Variants in ITGAV observed in about 807,000 individuals in gnomAD.
ITGAV encodes the protein integrin alpha-V.
ITGAV carries 76 observed loss-of-function variants against 143.8 expected under a neutral mutation model. That is an observed-to-expected ratio of 0.53 (90% confidence interval 0.44 to 0.64). ITGAV has a LOEUF of 0.64. ITGAV is among the 30% of genes least tolerant of loss of function. The pLI is 0.00. For missense variants in ITGAV, 1,193 were observed against 1,274.7 expected, an observed-to-expected ratio of 0.94 and a Z score of 0.98; for synonymous variants, 453 against 446.7, an observed-to-expected ratio of 1.01 and a Z score of -0.18.
chr2:186,602,241 A>G (rs1167816121), intron 2 of ITGAV, 90 bp downstream of exon 2: 23 of 1,002,702 alleles, frequency 2.3e-5, no homozygotes, highest in Non-Finnish European at 3.2e-5. Context: ...ATTTAATACA[A>G]TTATATAGAT....
In ITGAV at chr2:186,678,716, A is replaced by C. The variant is rs1689278997; in HGVS notation, c.*1424A>C. The C allele has an allele frequency of 2.2e-6, 1 of 455,656 alleles. No individual in the cohort carries two copies. The highest frequency in any genetic ancestry group is 2.0e-5 in the African/African-American group (1 of 50,046). The allele number at this position is 455,656 out of a possible 1,614,324, so 28.2% of individuals were successfully genotyped here. A position where few individuals can be genotyped will look rare whatever the true frequency, so the allele number is the denominator to read the frequency against. Reference sequence around the variant, plus strand: ...AGTTCCTCAAGGCCTGGGGATGATGATCAGTTATACCTATTTTTGTGCAAT... The same window carrying C: ...AGTTCCTCAAGGCCTGGGGATGATGCTCAGTTATACCTATTTTTGTGCAAT... On this transcript the variant is annotated 3_prime_UTR_variant, in exon 30 of 30. Transcript: ENST00000261023.
chr2:186,665,838 G>C (rs1208830640), intron 21 of ITGAV, among the ~76,000 whole-genome samples: 1 of 152,198 alleles, frequency 6.6e-6, no homozygotes, highest in African/African-American at 2.4e-5. Context: ...TTGAAGATCT[G>C]TGGTAATACA....
chr2:186,669,082 G>T (rs772569845), intron 25 of ITGAV, among the ~76,000 whole-genome samples, 162 bp downstream of exon 25: 2 of 152,172 alleles, frequency 1.3e-5, no homozygotes, highest in Non-Finnish European at 2.9e-5. Flanking sequence ...AAGTTCATTT[G>T]TATAATGGGT....
At position 186,679,303 on chromosome 2, in the gene ITGAV, CTTGAAAG is replaced by C. The variant is rs1231821174; in HGVS notation, c.*2013_*2019del. 6.6e-6 allele frequency: 1 copy of C among 151,884 alleles called. No individual in the cohort carries two copies. The highest frequency in any genetic ancestry group is 1.9e-4 in the East Asian group (1 of 5,192). 9.4% of individuals were successfully genotyped at this position (151,884 alleles called of 1,614,324 possible). ...CATCTATTCCTTTTATGGCATCTAT[CTTGAAAG>C]TAATCTTGTATTGGAGATTGAAAGA... On this transcript the variant is annotated 3_prime_UTR_variant, in exon 30 of 30. Coordinates refer to ENST00000261023, the MANE Select transcript of ITGAV (RefSeq NM_002210.5).
chr2:186,654,149 G>A (rs1032060922), intron 15 of ITGAV, among the ~76,000 whole-genome samples: 7 of 152,002 alleles, frequency 4.6e-5, no homozygotes, highest in Admixed American at 1.3e-4. Flanking sequence ...CCTGGCCAAC[G>A]TGGTGAAACA....
intron 13 of ITGAV, among the ~76,000 whole-genome samples, chr2:186,648,470 G>C (rs1688321787): frequency 6.6e-6 from 1 of 152,062 alleles, no homozygotes; most frequent in Admixed American, 6.5e-5. Flanking sequence ...GCATGAGTTT[G>C]ATTCTTTTTT....
rs1463379182 is a variant in ITGAV, at chr2:186,664,631, G to A, written c.2063G>A (p.Arg688Gln). Residue 688 changes from arginine (R) to glutamine (Q), a missense_variant, in exon 20 of 30, where the codon CGA becomes CAA. By Grantham distance (43) the Arg-to-Gln change is conservative. Coordinates refer to ENST00000261023, the MANE Select transcript of ITGAV (RefSeq NM_002210.5). ...PLQADFIGVV[R>Q]NNEALARLSC... The stretch of plus-strand genomic sequence containing the variant: ...CAGGCTGATTTCATCGGGGTTGTCC[G>A]AAACAATGAAGTAAGCAGGCTGCCT... The A allele has an allele frequency of 3.1e-6, 5 of 1,613,892 alleles. No homozygotes were observed. Among genetic ancestry groups the A allele is most frequent in the East Asian group, 2.2e-5 (1 of 44,886 alleles).
intron 5 of ITGAV, among the ~76,000 whole-genome samples, chr2:186,631,486 ATTTAC>A (rs748693176): frequency 1.1e-4 from 16 of 151,986 alleles, no homozygotes; most frequent in Non-Finnish European, 1.6e-4. Flanking sequence ...ACTTTTCTTT[ATTTAC>A]TTTTCTTTTG....
At chr2:186,661,748 C>T (rs1159075934) in intron 18 of ITGAV, among the ~76,000 whole-genome samples, 1 of 151,942 alleles carries the variant, frequency 6.6e-6, no homozygotes, top group East Asian at 1.9e-4. Flanking sequence ...AGGAACCCAC[C>T]ACCACGCCCG....
At position 186,664,491 on chromosome 2, in the gene ITGAV, T is replaced by C; in HGVS notation, c.1926-3T>C. 6.2e-7 allele frequency: 1 copy of C among 1,613,552 alleles called. No homozygotes were observed. Among genetic ancestry groups the C allele is most frequent in the Non-Finnish European group, 8.5e-7 (1 of 1,179,674 alleles). On this transcript the variant is annotated splice_region_variant and splice_polypyrimidine_tract_variant and intron_variant, in intron 19 of 29. Coordinates refer to ENST00000261023, the MANE Select transcript of ITGAV (RefSeq NM_002210.5). ...AGTCTGGATTTGTATTGTTAACTTG[T>C]AGTGATCAAAAGAAGATCTATATTG...
At chr2:186,625,410 G>A (rs890130045) in intron 3 of ITGAV, 63 bp from the exon 4 acceptor site, 4 of 952,408 alleles carry the variant, frequency 4.2e-6, no homozygotes, top group Non-Finnish European at 5.1e-6. Context: ...AAGTAGTATA[G>A]AGCATCTGAA....
At chr2:186,638,609 C>G in intron 10 of ITGAV, 144 bp downstream of exon 10, 2 of 642,098 alleles carry the variant, frequency 3.1e-6, no homozygotes, top group Non-Finnish European at 5.4e-6. Flanking sequence ...TTTGGTCAAA[C>G]TATTATCATT....
chr2:186,608,361 A>T (rs1687124355), intron 2 of ITGAV, among the ~76,000 whole-genome samples: 1 of 152,232 alleles, frequency 6.6e-6, no homozygotes, highest in African/African-American at 2.4e-5. Flanking sequence ...GTTGCTGCAT[A>T]GTCTGTTTCT....
chr2:186,641,103 C>T (rs781313928), intron 11 of ITGAV, 136 bp downstream of exon 11: 2 of 740,604 alleles, frequency 2.7e-6, no homozygotes, highest in Non-Finnish European at 4.4e-6. Flanking sequence ...CAATTTGAAG[C>T]AACCTTAATC....
chr2:186,597,186 C>T (rs1217398166), intron 1 of ITGAV, among the ~76,000 whole-genome samples: 1 of 152,190 alleles, frequency 6.6e-6, no homozygotes, highest in African/African-American at 2.4e-5. Flanking sequence ...GTGGTGTTTT[C>T]ATTCAGAGAA....
rs113937517 is a variant in ITGAV at position 186,606,532 on chromosome 2, C to T, written c.316+4381C>T. 2.9e-3 allele frequency among the ~76,000 whole-genome samples: 438 copies of T among 152,134 alleles called. 1 individual carries two copies. Among genetic ancestry groups the T allele is most frequent in the African/African-American group, 0.01 (424 of 41,514 alleles). On this transcript the variant is annotated intron_variant, in intron 2 of 29. Coordinates refer to ENST00000261023, the MANE Select transcript of ITGAV (RefSeq NM_002210.5). ...ACATGAGCTGTTTCATGTCGCTATT[C>T]CTCCCTTTTGCCTTCTTAGAGACCC... is the stretch of plus-strand genomic sequence containing the variant.
chr2:186,661,606 T>TGG (rs1688747715), intron 18 of ITGAV, among the ~76,000 whole-genome samples: 5 of 150,954 alleles, frequency 3.3e-5, no homozygotes, highest in African/African-American at 1.2e-4. Context: ...TTGTTTTTTT[T>TGG]TTTTTTTTTG....
intron 4 of ITGAV, among the ~76,000 whole-genome samples, chr2:186,630,474 A>G (rs1458939426): frequency 3.9e-5 from 6 of 152,018 alleles, no homozygotes; most frequent in Admixed American, 6.6e-5. Context: ...TATACACACA[A>G]TGGGTGTTGG....
intron 4 of ITGAV, among the ~76,000 whole-genome samples, chr2:186,629,651 A>T (rs1158070673): frequency 6.6e-6 from 1 of 152,016 alleles, no homozygotes; most frequent in African/African-American, 2.4e-5. Flanking sequence ...AAATGGGTTC[A>T]AAATTTCTGA....
Sources: allele counts gnomAD v4.1 joint callset (sites outside exome capture counted in the v4.1 genomes callset), GRCh38; gene constraint gnomAD v4.1.1; transcripts MANE v1.5; gene names NCBI Gene and HGNC (gene_info 2026-07-23, HGNC 2026-07-21).